The following GADL1 variants were observed in gnomAD, a reference collection of about 807,000 sequenced individuals.
GADL1 encodes acidic amino acid decarboxylase GADL1.
In GADL1, 71 loss-of-function variants were observed where a neutral mutation model predicts 69.5. The ratio of observed to expected loss-of-function variants is 1.02; its 90% CI spans 0.84 to 1.25. The LOEUF (loss-of-function observed/expected upper bound fraction) is 1.25, where lower values mean the gene tolerates loss of function less well. Among genes scored for constraint, GADL1 ranks in the 50% most tolerant of loss-of-function variants. The pLI is 0.00. For missense variants in GADL1, 737 were observed against 631.8 expected, an observed-to-expected ratio of 1.17 and a Z score of -1.79; for synonymous variants, 254 against 214.4, an observed-to-expected ratio of 1.18 and a Z score of -1.62.
At chr3:30,816,727 G>T (rs1408614852) in intron 11 of GADL1, among the ~76,000 whole-genome samples, 1 of 151,034 alleles carries the variant, frequency 6.6e-6, no homozygotes, top group African/African-American at 2.4e-5. Context: ...TGTGTTTTTG[G>T]TAGAGACAGG....
intron 14 of GADL1, among the ~76,000 whole-genome samples, chr3:30,740,806 A>G (rs1469623421): frequency 6.6e-6 from 1 of 150,738 alleles, no homozygotes; most frequent in Non-Finnish European, 1.5e-5. Context: ...TATTATTAAG[A>G]ACATTAATTC....
At chr3:30,821,276 A>G (rs562514106) in intron 11 of GADL1, among the ~76,000 whole-genome samples, 2 of 152,236 alleles carry the variant, frequency 1.3e-5, no homozygotes, top group Non-Finnish European at 2.9e-5. Context: ...ACATGTATAC[A>G]TATGTAACTA....
chr3:30,883,558 G>A (rs1698669124), intron 1 of GADL1, among the ~76,000 whole-genome samples: 1 of 151,880 alleles, frequency 6.6e-6, no homozygotes, highest in African/African-American at 2.4e-5. Context: ...GCTTTGTAGT[G>A]TTTTCAAATC....
chr3:30,892,571 C>T (rs1169956796), intron 1 of GADL1, among the ~76,000 whole-genome samples: 1 of 152,180 alleles, frequency 6.6e-6, no homozygotes, highest in Non-Finnish European at 1.5e-5. Flanking sequence ...GCTACCAAAG[C>T]CACCACAAGC....
intron 14 of GADL1, among the ~76,000 whole-genome samples, chr3:30,757,727 G>A (rs1696012864): frequency 6.6e-6 from 1 of 152,124 alleles, no homozygotes; most frequent in African/African-American, 2.4e-5. Context: ...ACAAGAATTT[G>A]AAGGAGTTCT....
chr3:30,844,162 C>A (rs761816429), intron 8 of GADL1, 48 bp downstream of exon 8: 4 of 1,401,852 alleles, frequency 2.9e-6, no homozygotes, highest in African/African-American at 1.4e-5. Flanking sequence ...CGCGGGCGTG[C>A]GCGCACACAC....
chr3:30,885,819 C>T (rs1698696262), intron 1 of GADL1, among the ~76,000 whole-genome samples: 1 of 151,854 alleles, frequency 6.6e-6, no homozygotes, highest in African/African-American at 2.4e-5. Context: ...GCTGCCCAGG[C>T]TGGTTTCGAA....
chr3:30,877,564 T>C (rs554429607), intron 1 of GADL1, among the ~76,000 whole-genome samples: 3 of 151,872 alleles, frequency 2.0e-5, no homozygotes, highest in Non-Finnish European at 4.4e-5. Flanking sequence ...AGGAAATACA[T>C]TGCTTGGGTA....
At chr3:30,765,280 T>G (rs577824283) in intron 14 of GADL1, among the ~76,000 whole-genome samples, 2 of 147,906 alleles carry the variant, frequency 1.4e-5, no homozygotes, top group South Asian at 4.5e-4. Flanking sequence ...AAAAGCCAGA[T>G]AAAAATATGA....
intron 14 of GADL1, among the ~76,000 whole-genome samples, chr3:30,763,508 G>GGGGGTTGGGGGTGGGGGT (rs1430321518): frequency 1.1e-5 from 1 of 93,260 alleles, no homozygotes; most frequent in African/African-American, 4.5e-5. Flanking sequence ...TCTCGGCGGC[G>GGGGGTTGGGGGTGGGGGT]GGGGGTGGGG....
At chr3:30,876,496 A>G (rs1250307428) in intron 1 of GADL1, among the ~76,000 whole-genome samples, 1 of 152,036 alleles carries the variant, frequency 6.6e-6, no homozygotes, top group African/African-American at 2.4e-5. Flanking sequence ...AACACTTGTA[A>G]TGAACAAGTA....
intron 14 of GADL1, among the ~76,000 whole-genome samples, chr3:30,753,973 T>C (rs1242753574): frequency 2.6e-5 from 4 of 152,162 alleles, no homozygotes; most frequent in South Asian, 4.1e-4. Flanking sequence ...CTAAAAGCCA[T>C]GGCCACCTAC....
At chr3:30,882,604 T>C (rs1241977946) in intron 1 of GADL1, among the ~76,000 whole-genome samples, 5 of 152,006 alleles carry the variant, frequency 3.3e-5, no homozygotes, top group Non-Finnish European at 5.9e-5. Flanking sequence ...CTCTTTACTA[T>C]CGTGAATAGT....
At chr3:30,886,573 A>T (rs1020146534) in intron 1 of GADL1, among the ~76,000 whole-genome samples, 1 of 152,112 alleles carries the variant, frequency 6.6e-6, no homozygotes, top group Non-Finnish European at 1.5e-5. Context: ...TCATTGAAGG[A>T]GGGGACTCTG....
intron 1 of GADL1, among the ~76,000 whole-genome samples, chr3:30,888,127 T>C: frequency 6.6e-6 from 1 of 152,346 alleles, no homozygotes; most frequent in Non-Finnish European, 1.5e-5. Flanking sequence ...GTTTTTTATT[T>C]CTATTTTTTT....
At chr3:30,804,879 CTT>C (rs965059791) in intron 11 of GADL1, among the ~76,000 whole-genome samples, 7 of 152,200 alleles carry the variant, frequency 4.6e-5, no homozygotes, top group Non-Finnish European at 2.9e-5. Flanking sequence ...TTATATGAAC[CTT>C]TTTGTGACCA....
intron 11 of GADL1, among the ~76,000 whole-genome samples, chr3:30,806,138 CAAAG>C (rs1182328500): frequency 2.0e-5 from 3 of 152,028 alleles, no homozygotes; most frequent in African/African-American, 7.3e-5. Context: ...TTCAGCTCAT[CAAAG>C]AAAAGCTACC....
intron 1 of GADL1, among the ~76,000 whole-genome samples, chr3:30,869,593 A>ACT (rs1698452133): frequency 6.6e-6 from 1 of 151,878 alleles, no homozygotes; most frequent in Admixed American, 6.6e-5. Flanking sequence ...AACTATGTTT[A>ACT]CAACTTTGTC....
chr3:30,866,866 G>T (rs918680734), intron 1 of GADL1, among the ~76,000 whole-genome samples: 3 of 152,176 alleles, frequency 2.0e-5, no homozygotes, highest in African/African-American at 7.2e-5. Flanking sequence ...CAGAAACAGA[G>T]TTCAGCAACT....
Sources: allele counts gnomAD v4.1 joint callset (sites outside exome capture counted in the v4.1 genomes callset), GRCh38; gene constraint gnomAD v4.1.1; transcripts MANE v1.5; gene names NCBI Gene and HGNC (gene_info 2026-07-23, HGNC 2026-07-21).